Variants in CUBN observed in about 807,000 individuals in gnomAD.
CUBN encodes the protein 460 kDa receptor.
A neutral mutation model predicts 405.3 loss-of-function variants in CUBN; 282 were observed. That is an observed-to-expected ratio of 0.70 (90% CI 0.63 to 0.77). CUBN has a LOEUF of 0.77. CUBN is among the 30% of genes least tolerant of loss of function. The pLI, the probability that CUBN is intolerant of heterozygous loss-of-function variation, is 0.00. For missense variants in CUBN, 4,514 were observed against 4,475.2 expected, an observed-to-expected ratio of 1.01 and a Z score of -0.25; for synonymous variants, 1,684 against 1,617.0, an observed-to-expected ratio of 1.04 and a Z score of -0.99.
chr10:17,120,150 A>C (rs1564523071), intron 6 of CUBN, among the ~76,000 whole-genome samples: 1 of 152,362 alleles, frequency 6.6e-6, no homozygotes, highest in East Asian at 1.9e-4. Flanking sequence ...TTCTAGCCTC[A>C]GTGAATACCC....
intron 58 of CUBN, 64 bp downstream of exon 58, chr10:16,874,310 G>A (rs539040703): frequency 9.0e-5 from 141 of 1,559,072 alleles, no homozygotes; most frequent in East Asian, 4.7e-4. Context: ...ATCAATAAAC[G>A]AATGGCTCTT....
At chr10:16,918,919 T>C (rs1841962926) in intron 44 of CUBN, 119 bp from the exon 45 acceptor site, 2 of 966,906 alleles carry the variant, frequency 2.1e-6, no homozygotes, top group Non-Finnish European at 3.2e-6. Flanking sequence ...CATAAAAAAC[T>C]ATGATAGAAT....
chr10:16,906,534 A>G (rs986308697), intron 49 of CUBN, 125 bp from the exon 50 acceptor site: 1 of 761,850 alleles, frequency 1.3e-6, no homozygotes, highest in Non-Finnish European at 2.3e-6. Flanking sequence ...TTCTAGATGC[A>G]GTCAAGCTTA....
At chr10:16,967,060 G>A (rs1163692413) in intron 31 of CUBN, among the ~76,000 whole-genome samples, 1 of 152,200 alleles carries the variant, frequency 6.6e-6, no homozygotes, top group Non-Finnish European at 1.5e-5. Context: ...AGTCATAAAT[G>A]TGAATGCGGA....
At chr10:16,888,104 T>C (rs1485350466) in intron 56 of CUBN, among the ~76,000 whole-genome samples, 2 of 152,098 alleles carry the variant, frequency 1.3e-5, no homozygotes, top group African/African-American at 2.4e-5. Context: ...TTAGGATATA[T>C]TGGTCACAGG....
rs1282244236 is a variant in CUBN at position 16,990,391 on chromosome 10, G to A, written c.4293C>T (p.Leu1431=). The A allele has an allele frequency of 1.2e-6, 2 of 1,614,152 alleles. No homozygotes were observed. The highest frequency in any genetic ancestry group is 8.5e-7 in the Non-Finnish European group (1 of 1,180,012). Residue 1431 remains leucine, a synonymous_variant, in exon 29 of 67, where the codon CTC becomes CTT. Transcript: ENST00000377833. ...ACTCCACATCGAAGTCATGGATGGT[G>A]AGCTGAATGCTACTCCCGGGGTCCG... The part of the protein sequence containing the change: ...IRTDPGSSIQ[L]TIHDFDVEYH...
At chr10:16,984,390 T>C (rs1833362735) in intron 29 of CUBN, 111 bp from the exon 30 acceptor site, 2 of 1,042,990 alleles carry the variant, frequency 1.9e-6, no homozygotes, top group Non-Finnish European at 1.4e-6. Context: ...TTATTAGAGA[T>C]TGAAATCTCA....
rs7900377 is a variant in CUBN, at chr10:16,998,784, C to G, written c.4169-8269G>C. On this transcript the variant is annotated intron_variant, in intron 28 of 66. Coordinates refer to ENST00000377833, the MANE Select transcript of CUBN (RefSeq NM_001081.4). Reference sequence around the variant, plus strand: ...GTCAAGGGTAAGATTTTCATGAAAACAGAAAAGGTCTATTGTTGAGAAAAC... The same window carrying G: ...GTCAAGGGTAAGATTTTCATGAAAAGAGAAAAGGTCTATTGTTGAGAAAAC... Among the ~76,000 whole-genome samples, 3 of 152,090 alleles carry G rather than the reference C, an allele frequency of 2.0e-5. No individual in the cohort carries two copies. The South Asian group carries it at 6.2e-4, about 32-fold the overall frequency.
chr10:17,109,688 C>T lies in CUBN; in HGVS notation c.1063G>A (p.Val355Ile), dbSNP rs1588648446. 1 of 1,613,936 alleles carries T rather than the reference C, an allele frequency of 6.2e-7. No individual in the cohort carries two copies. The highest frequency in any genetic ancestry group is 2.2e-5 in the East Asian group (1 of 44,854). Reference sequence around the variant, plus strand: ...TCTGGGTGGCAGCCTCCATTACTGACTGAGCAGATGTCTGTGAGTGTGCAC... The same window carrying T: ...TCTGGGTGGCAGCCTCCATTACTGATTGAGCAGATGTCTGTGAGTGTGCAC... ...RVCTLTDICSVSNGGCHPDAS... is the reference protein window; with the variant it reads ...RVCTLTDICSISNGGCHPDAS... Residue 355 changes from valine to isoleucine, a missense_variant, in exon 10 of 67, where the codon GTC becomes ATC. This residue lies in a region of CUBN where 1,448 missense variants were observed against 1,388.0 expected (regional missense o/e 1.04). Coordinates refer to ENST00000377833, the MANE Select transcript of CUBN (RefSeq NM_001081.4).
In CUBN at chr10:17,034,140, C is replaced by T. The variant is rs1164685185; in HGVS notation, c.4017+6893G>A. ...AGGGAAATGCCTTTGACTGAAGTCCCCCACACTATCACGAGGACTTGAAAT... is the reference window on the plus strand; with the variant it reads ...AGGGAAATGCCTTTGACTGAAGTCCTCCACACTATCACGAGGACTTGAAAT... On this transcript the variant is annotated intron_variant, in intron 27 of 66. Coordinates refer to ENST00000377833, the MANE Select transcript of CUBN (RefSeq NM_001081.4). Among the ~76,000 whole-genome samples, 3 of 152,216 alleles carry T rather than the reference C, an allele frequency of 2.0e-5. No individual in the cohort carries two copies. In the South Asian group the frequency reaches 6.2e-4, roughly 32 times the overall value.
chr10:16,997,121 G>A (rs1833757711), intron 28 of CUBN, among the ~76,000 whole-genome samples: 1 of 152,190 alleles, frequency 6.6e-6, no homozygotes, highest in African/African-American at 2.4e-5. Context: ...GGCAAGGCCA[G>A]TTTGCCTTCA....
chr10:16,995,163 T>C (rs1016832747), intron 28 of CUBN, among the ~76,000 whole-genome samples: 10 of 152,124 alleles, frequency 6.6e-5, no homozygotes, highest in Non-Finnish European at 1.3e-4. Context: ...TTGAGAGAAA[T>C]AGACACAGTG....
At chr10:17,042,877 G>C (rs766313416) in intron 26 of CUBN, among the ~76,000 whole-genome samples, 8 of 152,038 alleles carry the variant, frequency 5.3e-5, no homozygotes, top group Non-Finnish European at 7.4e-5. Flanking sequence ...TCCACTTTCA[G>C]ATAATTACAT....
In CUBN at chr10:17,011,072, T is replaced by G. The variant is rs77956571; in HGVS notation, c.4168+8761A>C. Among the ~76,000 whole-genome samples, 838 of 152,320 alleles carry G rather than the reference T, an allele frequency of 5.5e-3. 11 individuals are homozygous for G. Among genetic ancestry groups the G allele is most frequent in the African/African-American group, 0.019 (806 of 41,578 alleles). On this transcript the variant is annotated intron_variant, in intron 28 of 66. Transcript: ENST00000377833. Reference sequence around the variant, plus strand: ...TCCTGGTATAATCTTGGAACTCCACTTCTCTTTCCAGTTGATTGAAATACA... The same window carrying G: ...TCCTGGTATAATCTTGGAACTCCACGTCTCTTTCCAGTTGATTGAAATACA...
At chr10:16,887,355 G>T (rs1444254333) in intron 56 of CUBN, among the ~76,000 whole-genome samples, 2 of 152,116 alleles carry the variant, frequency 1.3e-5, no homozygotes, top group African/African-American at 4.8e-5. Context: ...CTTCTAGATG[G>T]AATACATAGA....
intron 39 of CUBN, 150 bp from the exon 40 acceptor site, chr10:16,933,434 C>T: frequency 2.8e-6 from 2 of 706,416 alleles, no homozygotes; most frequent in Non-Finnish European, 4.8e-6. Flanking sequence ...CGTATGTAAC[C>T]CACTGATTCG....
intron 27 of CUBN, 69 bp from the exon 28 acceptor site, chr10:17,020,052 A>T: frequency 6.4e-7 from 1 of 1,565,004 alleles, no homozygotes; most frequent in Non-Finnish European, 8.8e-7. Flanking sequence ...CCAAGTCTAC[A>T]CAAGTAGCAA....
chr10:16,910,898 G>C (rs1019710298), intron 48 of CUBN, among the ~76,000 whole-genome samples: 4 of 151,986 alleles, frequency 2.6e-5, no homozygotes, highest in Admixed American at 2.6e-4. Flanking sequence ...TTGGGGAGCC[G>C]CAAGAGGGTA....
At chr10:16,982,693 T>C (rs772693893) in intron 30 of CUBN, 40 bp from the exon 31 acceptor site, 1 of 1,563,242 alleles carries the variant, frequency 6.4e-7, no homozygotes, top group South Asian at 1.1e-5. Context: ...AGAGGAATCA[T>C]GGATGCTCGA....
Sources: allele counts gnomAD v4.1 joint callset (sites outside exome capture counted in the v4.1 genomes callset), GRCh38; gene constraint gnomAD v4.1.1; regional missense constraint gnomAD v4.1.1; transcripts MANE v1.5; gene names NCBI Gene and HGNC (gene_info 2026-07-23, HGNC 2026-07-21).